UGT1A9: variants seen among roughly 807,000 people sequenced by gnomAD.
UGT1A9 encodes the protein UDP-glucuronosyltransferase 1A9.
In UGT1A9, 35 loss-of-function variants were observed where a neutral mutation model predicts 45.0. The observed-to-expected ratio is 0.78, with a 90% CI of 0.59 to 1.03. UGT1A9 has a LOEUF of 1.03. UGT1A9 is among the 50% of genes least tolerant of loss of function. The pLI is 0.00. For synonymous variants in UGT1A9, 278 were observed against 250.6 expected (o/e 1.11, Z -1.03); for missense variants, 687 against 666.6 (o/e 1.03, Z -0.34).
intron 1 of UGT1A9, among the ~76,000 whole-genome samples, chr2:233,708,070 G>T (rs1007307586): frequency 1.3e-5 from 2 of 152,102 alleles, no homozygotes; most frequent in Non-Finnish European, 2.9e-5. Flanking sequence ...TCTGCATCTT[G>T]CTTTTTACTT....
chr2:233,720,447 A>G lies in UGT1A9; in HGVS notation c.856-46587A>G, dbSNP rs148666216. Among the ~76,000 whole-genome samples the G allele has an allele frequency of 8.6e-4, 131 of 152,258 alleles. 1 individual carries two copies. The highest frequency in any genetic ancestry group is 3.8e-4 in the Non-Finnish European group (26 of 68,020). On this transcript the variant is annotated intron_variant, in intron 1 of 4. Coordinates refer to ENST00000354728, the MANE Select transcript of UGT1A9 (RefSeq NM_021027.3). ...GATAAGACCGTGAATCTATAAGCCC[A>G]GTGAAGCTGGGACCAGTGATGAATG...
chr2:233,760,305 G>C (rs745957787), intron 1 of UGT1A9: 19 of 1,613,584 alleles, frequency 1.2e-5, no homozygotes, highest in Non-Finnish European at 1.6e-5. Context: ...TGGAGTCCCA[G>C]GGCGGACGCC....
At chr2:233,728,383 G>T (rs2077708725) in intron 1 of UGT1A9, among the ~76,000 whole-genome samples, 1 of 152,140 alleles carries the variant, frequency 6.6e-6, no homozygotes, top group Admixed American at 6.5e-5. Context: ...GTCTTTGCTA[G>T]GGTTGTCTTG....
chr2:233,715,952 G>A (rs1392770925), intron 1 of UGT1A9, among the ~76,000 whole-genome samples: 1 of 152,134 alleles, frequency 6.6e-6, no homozygotes, highest in Admixed American at 6.5e-5. Flanking sequence ...TTTGTTGACT[G>A]ACTGACTGAT....
rs751268056 is a variant in UGT1A9 at position 233,671,946 on chromosome 2, A to G, written c.12A>G (p.Thr4=). MAC[T]GWTSPLPLCV... ...GCTGCAGTTCTCTGATGGCTTGCAC[A>G]GGGTGGACCAGCCCCCTTCCTCTAT... Residue 4 remains threonine (T), a synonymous_variant, in exon 1 of 5, where the codon ACA becomes ACG. Coordinates refer to ENST00000354728, the MANE Select transcript of UGT1A9 (RefSeq NM_021027.3). 5 of 1,610,878 alleles carry G rather than the reference A, an allele frequency of 3.1e-6. No individual in the cohort carries two copies. In the African/African-American group the frequency reaches 6.7e-5, roughly 22 times the overall value.
intron 1 of UGT1A9, among the ~76,000 whole-genome samples, chr2:233,730,506 A>G (rs2078042097): frequency 6.6e-6 from 1 of 152,128 alleles, no homozygotes; most frequent in Non-Finnish European, 1.5e-5. Flanking sequence ...AGAGAGGTTG[A>G]CTCAGTGGAA....
In UGT1A9 at chr2:233,723,213, CTT is replaced by C. The variant is rs201420005; in HGVS notation, c.856-43806_856-43805del. On this transcript the variant is annotated intron_variant, in intron 1 of 4. Coordinates refer to ENST00000354728, the MANE Select transcript of UGT1A9 (RefSeq NM_021027.3). ...ATGTGGTAAAAAAAGTCAAAACTGA[CTT>C]TTTTTTTTTTTTTTGAGTTGGAGTC... Among the ~76,000 whole-genome samples, 40 of 88,776 alleles carry C rather than the reference CTT, an allele frequency of 4.5e-4. 2 individuals are homozygous for C. Among genetic ancestry groups the C allele is most frequent in the East Asian group, 2.4e-3 (8 of 3,302 alleles). 58.2% of individuals were successfully genotyped at this position (88,776 alleles called of 152,430 possible). A position where few individuals can be genotyped will look rare whatever the true frequency, so the allele number is the denominator to read the frequency against.
In UGT1A9 at chr2:233,760,964, T is replaced by C. The variant is rs1355767569; in HGVS notation, c.856-6070T>C. ...TCACAGAACTTTCTGTGCGACGTGGTTTATTCCCCGTATGCAACCCTTGCC... is the reference window on the plus strand; with the variant it reads ...TCACAGAACTTTCTGTGCGACGTGGCTTATTCCCCGTATGCAACCCTTGCC... On this transcript the variant is annotated intron_variant, in intron 1 of 4. Coordinates refer to ENST00000354728, the MANE Select transcript of UGT1A9 (RefSeq NM_021027.3). The C allele has an allele frequency of 6.2e-7, 1 of 1,614,182 alleles. No individual in the cohort carries two copies. Among genetic ancestry groups the C allele is most frequent in the East Asian group, 2.2e-5 (1 of 44,880 alleles).
intron 2 of UGT1A9, 81 bp from the exon 3 acceptor site, chr2:233,767,768 G>T: frequency 6.2e-7 from 1 of 1,610,138 alleles, no homozygotes. Context: ...GAGGACCCCT[G>T]TTTTCTAGTT....
At chr2:233,743,750 A>G in intron 1 of UGT1A9, 1 of 1,367,324 alleles carries the variant, frequency 7.3e-7, no homozygotes, top group Non-Finnish European at 9.8e-7. Flanking sequence ...GGCGTCCGAC[A>G]ACACCTCGTA....
intron 1 of UGT1A9, among the ~76,000 whole-genome samples, chr2:233,726,089 C>T (rs567639330): frequency 3.9e-5 from 6 of 152,122 alleles, no homozygotes; most frequent in Non-Finnish European, 7.3e-5. Flanking sequence ...TTACTTGATC[C>T]GAGGAGGTGG....
intron 1 of UGT1A9, chr2:233,717,996 A>G (rs2076620748): frequency 2.4e-6 from 1 of 421,104 alleles, no homozygotes; most frequent in Non-Finnish European, 4.8e-6. Context: ...AGACTGTGCA[A>G]GATCTGAGGC....
chr2:233,675,552 T>C (rs1277922872), intron 1 of UGT1A9, among the ~76,000 whole-genome samples: 1 of 152,188 alleles, frequency 6.6e-6, no homozygotes, highest in Non-Finnish European at 1.5e-5. Flanking sequence ...ATTCTGGCTA[T>C]AGTCCAAGAT....
At chr2:233,745,324 G>C (rs1405359203) in intron 1 of UGT1A9, among the ~76,000 whole-genome samples, 1 of 151,812 alleles carries the variant, frequency 6.6e-6, no homozygotes, top group African/African-American at 2.4e-5. Flanking sequence ...CACTAGAACT[G>C]CTATATCATG....
Position 233,673,620 on chromosome 2 carries a change from A to G in UGT1A9, c.855+831A>G, listed in dbSNP as rs144093003. On this transcript the variant is annotated intron_variant, in intron 1 of 4. Transcript: ENST00000354728. Reference sequence around the variant, plus strand: ...TCACTATTTATTCAGATCTTGTTTTATATACATAAATAAAATTTTTCACTA... The same window carrying G: ...TCACTATTTATTCAGATCTTGTTTTGTATACATAAATAAAATTTTTCACTA... 5.3e-5 allele frequency among the ~76,000 whole-genome samples: 8 copies of G among 152,224 alleles called. No individual in the cohort carries two copies. In the East Asian group the frequency reaches 1.3e-3, roughly 26 times the overall value.
chr2:233,724,376 G>C (rs1373227000), intron 1 of UGT1A9, among the ~76,000 whole-genome samples: 7 of 128,064 alleles, frequency 5.5e-5, no homozygotes, highest in African/African-American at 1.5e-4. Flanking sequence ...GGTGGCTGCC[G>C]GGCGGAGACG....
rs950932071 is a variant in UGT1A9 at position 233,766,252 on chromosome 2, CGCTCAGTGGCCCGG to C, written c.856-777_856-764del. ...GGAAGGGTTTCCCCTGGAGTCAGAC[CGCTCAGTGGCCCGG>C]GCTCGGTGGCCCGGGCTCGGTGGCC... On this transcript the variant is annotated intron_variant, in intron 1 of 4. Coordinates refer to ENST00000354728, the MANE Select transcript of UGT1A9 (RefSeq NM_021027.3). 1.1e-4 allele frequency among the ~76,000 whole-genome samples: 17 copies of C among 151,626 alleles called. 1 individual carries two copies. The highest frequency in any genetic ancestry group is 3.4e-4 in the African/African-American group (14 of 41,194).
intron 1 of UGT1A9, chr2:233,690,377 C>A: frequency 1.1e-6 from 1 of 925,258 alleles, no homozygotes; most frequent in Non-Finnish European, 1.5e-6. Context: ...TCCATAGGGT[C>A]CACGTTTCCA....
At chr2:233,729,650 A>G in intron 1 of UGT1A9, 2 of 1,613,870 alleles carry the variant, frequency 1.2e-6, no homozygotes, top group Non-Finnish European at 1.7e-6. Context: ...TTTTTGAGGA[A>G]CATTCCATGT....
Sources: allele counts gnomAD v4.1 joint callset (sites outside exome capture counted in the v4.1 genomes callset), GRCh38; gene constraint gnomAD v4.1.1; transcripts MANE v1.5; gene names NCBI Gene and HGNC (gene_info 2026-07-23, HGNC 2026-07-21).